ARHGEF18: variants seen among roughly 807,000 people sequenced by gnomAD.
ARHGEF18 encodes rho guanine nucleotide exchange factor 18.
ARHGEF18 carries 93 observed loss-of-function variants against 155.7 expected under a neutral mutation model. That is an observed-to-expected ratio of 0.60 (90% confidence interval 0.50 to 0.71). ARHGEF18 has a LOEUF of 0.71. Ranked by LOEUF, ARHGEF18 falls within the 30% of genes least tolerant of loss-of-function variation. The pLI, the probability that ARHGEF18 is intolerant of heterozygous loss-of-function variation, is 0.00. For missense variants in ARHGEF18, 1,593 were observed against 1,816.1 expected (o/e 0.88, Z 2.23); for synonymous variants, 742 against 753.1 (o/e 0.99, Z 0.24).
chr19:7,453,830 C>T, intron 17 of ARHGEF18, 115 bp downstream of exon 17: 1 of 1,341,130 alleles, frequency 7.5e-7, no homozygotes, highest in African/African-American at 1.5e-5. Flanking sequence ...CAGTGGGTAC[C>T]ATCTTGGAGA....
chr19:7,406,782 C>T (rs936149823), intron 10 of ARHGEF18, among the ~76,000 whole-genome samples: 8 of 152,054 alleles, frequency 5.3e-5, no homozygotes, highest in Non-Finnish European at 8.8e-5. Context: ...CCACCTGGCA[C>T]AGTGGCTCAC....
chr19:7,362,167 GAGA>G (rs765447462), intron 1 of ARHGEF18, among the ~76,000 whole-genome samples: 6 of 37,006 alleles, frequency 1.6e-4, no homozygotes, highest in African/African-American at 1.4e-3. Context: ...GGAGAAGAAG[GAGA>G]AGAAGGAGAA....
intron 10 of ARHGEF18, among the ~76,000 whole-genome samples, chr19:7,398,046 T>C (rs1971821811): frequency 6.6e-6 from 1 of 152,130 alleles, no homozygotes; most frequent in Non-Finnish European, 1.5e-5. Flanking sequence ...CCACTGTGTA[T>C]ATATACTTCA....
At chr19:7,399,145 G>A (rs1971890597) in intron 10 of ARHGEF18, among the ~76,000 whole-genome samples, 1 of 152,112 alleles carries the variant, frequency 6.6e-6, no homozygotes, top group Non-Finnish European at 1.5e-5. Flanking sequence ...CTTTCCCCCT[G>A]AGACGGTCAA....
chr19:7,426,444 G>A (rs143956858), intron 10 of ARHGEF18, among the ~76,000 whole-genome samples: 1 of 142,342 alleles, frequency 7.0e-6, no homozygotes, highest in East Asian at 2.1e-4. Context: ...CTGAGATTGC[G>A]CCAGCACACT....
intron 1 of ARHGEF18, among the ~76,000 whole-genome samples, chr19:7,362,003 A>G (rs1378306623): frequency 1.9e-5 from 1 of 52,054 alleles, no homozygotes; most frequent in Non-Finnish European, 3.5e-5. Context: ...AAGAAGAAGA[A>G]GAAGAAGAAG....
downstream of ARHGEF18, among the ~76,000 whole-genome samples, chr19:7,476,239 A>G (rs1276465718): frequency 1.3e-5 from 2 of 152,200 alleles, no homozygotes; most frequent in Non-Finnish European, 2.9e-5. Flanking sequence ...TGAGCCCAGG[A>G]GTTTGAGGCT....
At chr19:7,378,990 G>A in intron 6 of ARHGEF18, 132 bp from the exon 7 acceptor site, 3 of 735,048 alleles carry the variant, frequency 4.1e-6, no homozygotes, top group Non-Finnish European at 3.7e-6. Flanking sequence ...ACTGTGCCCG[G>A]CTGACTGTGG....
At chr19:7,474,754 A>AGTGTGTGTGT (rs3219570), downstream of ARHGEF18, among the ~76,000 whole-genome samples, 1,397 of 142,016 alleles carry the variant, frequency 9.8e-3, 14 homozygotes, top group Non-Finnish European at 0.013. Context: ...TGGGCATTGG[A>AGTGTGTGTGT]GTGTGTGTGT....
chr19:7,396,140 T>G (rs1971697035), intron 10 of ARHGEF18, among the ~76,000 whole-genome samples: 1 of 152,212 alleles, frequency 6.6e-6, no homozygotes, highest in Non-Finnish European at 1.5e-5. Context: ...CTTGAGTGTT[T>G]TGCTGTGGCT....
chr19:7,470,559 A>G lies in ARHGEF18; in HGVS notation c.*261A>G, dbSNP rs1436145923. ...AAGGAAAGTTTTTAATGGAAAGTTGAGCCAGAACTAAACCAGGGAGCTGTC... is the reference window on the plus strand; with the variant it reads ...AAGGAAAGTTTTTAATGGAAAGTTGGGCCAGAACTAAACCAGGGAGCTGTC... On this transcript the variant is annotated 3_prime_UTR_variant, in exon 29 of 29. Coordinates refer to ENST00000668164, the MANE Select transcript of ARHGEF18 (RefSeq NM_001367823.1). This position sits in a 1 kb window ranked among gnomAD's most constrained non-coding sequence, Gnocchi z 5.9. 1.5e-5 allele frequency: 6 copies of G among 398,542 alleles called. No homozygotes were observed. Among genetic ancestry groups the G allele is most frequent in the African/African-American group, 8.3e-5 (4 of 48,134 alleles). The allele number at this position is 398,542 out of a possible 1,614,324, so 24.7% of individuals were successfully genotyped here. A position where few individuals can be genotyped will look rare whatever the true frequency, so the allele number is the denominator to read the frequency against.
chr19:7,466,037 T>C (rs755224597), intron 23 of ARHGEF18, among the ~76,000 whole-genome samples: 3 of 151,698 alleles, frequency 2.0e-5, no homozygotes, highest in South Asian at 4.2e-4. Flanking sequence ...TGAGCCGAGA[T>C]TGCACCACTG....
At chr19:7,378,076 G>A (rs962219343) in intron 5 of ARHGEF18, among the ~76,000 whole-genome samples, 23 of 152,120 alleles carry the variant, frequency 1.5e-4, no homozygotes, top group African/African-American at 4.8e-4. Flanking sequence ...CAGGGTGACA[G>A]AGCGAGACTG....
intron 14 of ARHGEF18, 69 bp from the exon 15 acceptor site, chr19:7,446,974 C>T (rs1025206093): frequency 6.5e-6 from 10 of 1,543,024 alleles, no homozygotes; most frequent in African/African-American, 2.8e-5. Flanking sequence ...CAGACTCAGA[C>T]GAATTAGATG....
chr19:7,456,584 G>A (rs1248942815), intron 18 of ARHGEF18, among the ~76,000 whole-genome samples, 181 bp downstream of exon 18: 2 of 152,060 alleles, frequency 1.3e-5, no homozygotes, highest in Non-Finnish European at 2.9e-5. Flanking sequence ...GGGCATGGTG[G>A]CCCATGTCTG....
chr19:7,422,635 A>G (rs1330294004), intron 10 of ARHGEF18, among the ~76,000 whole-genome samples: 1 of 151,578 alleles, frequency 6.6e-6, no homozygotes, highest in Non-Finnish European at 1.5e-5. Flanking sequence ...CACCTCCTGG[A>G]TCACCTGGGC....
chr19:7,474,507 T>C (rs1276557920), downstream of ARHGEF18, among the ~76,000 whole-genome samples: 1 of 151,730 alleles, frequency 6.6e-6, no homozygotes, highest in Non-Finnish European at 1.5e-5. Flanking sequence ...GCCTCCCGAG[T>C]AGCTGGGATT....
chr19:7,362,079 G>A (rs1969613180), intron 1 of ARHGEF18, among the ~76,000 whole-genome samples: 2 of 19,564 alleles, frequency 1.0e-4, no homozygotes, highest in East Asian at 2.6e-3. Flanking sequence ...AGGAGAAGGA[G>A]AAGGAGAAGG....
At chr19:7,472,898 C>A, downstream of ARHGEF18, 1 of 444,156 alleles carries the variant, frequency 2.3e-6, no homozygotes, top group Non-Finnish European at 4.6e-6. Flanking sequence ...CATGGGGTTT[C>A]GCCATGTTGG....
Sources: gnomAD v4.1 joint callset for allele counts (sites outside exome capture counted in the v4.1 genomes callset) on GRCh38, gnomAD v4.1.1 for gene constraint, Gnocchi (gnomAD v3.1) non-coding constraint, MANE v1.5 for transcripts, NCBI Gene and HGNC (gene_info 2026-07-23, HGNC 2026-07-21) for gene names.